The following C1QTNF5 variants were observed in gnomAD, a reference collection of about 807,000 sequenced individuals.
The protein encoded by C1QTNF5 is C1q and TNF related 5.
A neutral mutation model predicts 10.9 loss-of-function variants in C1QTNF5; 5 were observed. The ratio of observed to expected loss-of-function variants is 0.46; its 90% confidence interval spans 0.24 to 0.97. The LOEUF (loss-of-function observed/expected upper bound fraction) is 0.97, where lower values mean the gene tolerates loss of function less well. C1QTNF5 is among the 50% of genes least tolerant of loss of function. The pLI, the probability that C1QTNF5 is intolerant of heterozygous loss-of-function variation, is 0.19. For missense variants in C1QTNF5, 281 were observed against 339.4 expected (o/e 0.83, Z 1.35); for synonymous variants, 161 against 156.5 (o/e 1.03, Z -0.22).
In C1QTNF5 at chr11:119,339,909, C is replaced by T; in HGVS notation, c.215-61G>A. The T allele has an allele frequency of 7.0e-7, 1 of 1,427,994 alleles. No individual in the cohort carries two copies. The highest frequency in any genetic ancestry group is 9.1e-7 in the Non-Finnish European group (1 of 1,097,730). The allele number at this position is 1,427,994 out of a possible 1,614,324, so 88.5% of individuals were successfully genotyped here. A position where few individuals can be genotyped will look rare whatever the true frequency, so the allele number is the denominator to read the frequency against. On this transcript the variant is annotated intron_variant, in intron 2 of 2. Coordinates refer to ENST00000528368, the MANE Select transcript of C1QTNF5 (RefSeq NM_001278431.2). This position sits in a 1 kb window ranked among gnomAD's most constrained non-coding sequence, Gnocchi z 5.4. Reference sequence around the variant, plus strand: ...GGCGGCTCAGCCCGCAGCGGGGCGGCGACTCTAAGGTCACCGTACCCCTCC... The same window carrying T: ...GGCGGCTCAGCCCGCAGCGGGGCGGTGACTCTAAGGTCACCGTACCCCTCC...
upstream of C1QTNF5, chr11:119,342,633 G>A (rs779359811): frequency 4.3e-6 from 7 of 1,613,548 alleles, no homozygotes; most frequent in East Asian, 2.2e-5. Flanking sequence ...AGTTGTCATC[G>A]CTGCCATCGG....
At chr11:119,346,517 A>C in the C1QTNF5 span, 1 of 1,614,014 alleles carries the variant, frequency 6.2e-7, no homozygotes, top group East Asian at 2.2e-5. Context: ...CCTTCATGGC[A>C]CAAGGCTCTG....
chr11:119,344,624 G>A (rs1205507088), upstream of C1QTNF5: 3 of 1,613,900 alleles, frequency 1.9e-6, no homozygotes, highest in Non-Finnish European at 2.5e-6. Context: ...CCCATGCCTG[G>A]CCCGTACCCG....
chr11:119,345,505 T>C (rs1950554109), upstream of C1QTNF5: 3 of 1,613,944 alleles, frequency 1.9e-6, no homozygotes, highest in Admixed American at 3.3e-5. Context: ...AGGGCTTCGA[T>C]CTTGAGCTGT....
upstream of C1QTNF5, among the ~76,000 whole-genome samples, chr11:119,342,431 G>A (rs568977475): frequency 5.3e-5 from 8 of 152,252 alleles, no homozygotes; most frequent in African/African-American, 1.9e-4. Flanking sequence ...ACCACCAGCC[G>A]ACTGTCTTCC....
At chr11:119,346,360 A>T in the C1QTNF5 span, 6 of 1,613,950 alleles carry the variant, frequency 3.7e-6, no homozygotes, top group Admixed American at 1.0e-4. Flanking sequence ...CGAAGGCAGG[A>T]TTGCAGAACT....
upstream of C1QTNF5, chr11:119,341,557 G>C (rs1204414000): frequency 7.4e-6 from 12 of 1,612,416 alleles, no homozygotes; most frequent in South Asian, 1.1e-5. Context: ...GTCAGGGCTG[G>C]GCACAAGCTT....
chr11:119,345,561 T>C (rs376472859), upstream of C1QTNF5: 51 of 1,613,818 alleles, frequency 3.2e-5, no homozygotes, highest in Non-Finnish European at 4.1e-5. Flanking sequence ...GCAGTGGGTG[T>C]TGGGGGGGTA....
the C1QTNF5 span, chr11:119,346,263 G>C: frequency 6.2e-7 from 1 of 1,607,600 alleles, no homozygotes; most frequent in South Asian, 1.1e-5. Context: ...CACCCCCTGG[G>C]ATGGTTACCA....
chr11:119,344,415 T>A (rs920195503), upstream of C1QTNF5: 3 of 1,607,466 alleles, frequency 1.9e-6, no homozygotes, highest in South Asian at 2.2e-5. Flanking sequence ...GAAGGGCTCA[T>A]GAGTTTGCTA....
upstream of C1QTNF5, among the ~76,000 whole-genome samples, chr11:119,343,613 G>A (rs549691710): frequency 3.0e-4 from 46 of 152,326 alleles, no homozygotes; most frequent in South Asian, 8.7e-3. Flanking sequence ...GAGGTTTGGG[G>A]AAGGACCTCC....
chr11:119,345,037 T>A (rs1401715702), upstream of C1QTNF5: 14 of 1,591,126 alleles, frequency 8.8e-6, no homozygotes, highest in African/African-American at 1.3e-5. Flanking sequence ...TGAGGGAGGC[T>A]CCAAGAGCAG....
the C1QTNF5 span, chr11:119,346,476 G>T: frequency 1.7e-5 from 27 of 1,614,000 alleles, no homozygotes; most frequent in East Asian, 5.8e-4. Flanking sequence ...CGATTCTGTT[G>T]CCTCCATGCA....
chr11:119,344,080 A>G (rs1950532436), upstream of C1QTNF5: 3 of 1,377,776 alleles, frequency 2.2e-6, no homozygotes, highest in Admixed American at 5.5e-5. Context: ...TGCTTTCATC[A>G]TTGGTGGTTC....
At chr11:119,341,435 C>T (rs1950501300), upstream of C1QTNF5, 1 of 884,134 alleles carries the variant, frequency 1.1e-6, no homozygotes, top group African/African-American at 1.7e-5. Context: ...CCTGGGAGCC[C>T]CAGAGAAGGA....
Position 119,340,490 on chromosome 11 carries a change from C to T in C1QTNF5, c.-43-50G>A, listed in dbSNP as rs1015760785. On this transcript the variant is annotated intron_variant, in intron 1 of 2. Transcript: ENST00000528368. ...CGGGACCCAGAATCCTGGGACCTGC[C>T]TCTCTCCCCACCCCGGCGCGGCCCA... 60 of 1,357,472 alleles carry T rather than the reference C, an allele frequency of 4.4e-5. No homozygotes were observed. In the African/African-American group the frequency reaches 8.1e-4, roughly 18 times the overall value. 84.1% of individuals were successfully genotyped at this position (1,357,472 alleles called of 1,614,324 possible). A position where few individuals can be genotyped will look rare whatever the true frequency, so the allele number is the denominator to read the frequency against.
At position 119,340,243 on chromosome 11, in the gene C1QTNF5, C is replaced by A; in HGVS notation, c.155G>T (p.Arg52Leu). Residue 52 changes from arginine to leucine, a missense_variant, in exon 2 of 3, where the codon CGC (arginine) becomes CTC (leucine). Transcript: ENST00000528368. ...GSQGLPGRDG[R>L]DGRDGAPGAP... ...CCCGGGCGCGCCGTCGCGGCCGTCG[C>A]GGCCATCGCGGCCCGGCAAGCCCTG... is the stretch of plus-strand genomic sequence containing the variant. 6.6e-7 allele frequency: 1 copy of A among 1,514,784 alleles called. No individual in the cohort carries two copies. The highest frequency in any genetic ancestry group is 8.8e-7 in the Non-Finnish European group (1 of 1,134,484). 93.8% of individuals were successfully genotyped at this position (1,514,784 alleles called of 1,614,324 possible).
chr11:119,341,346 G>A, upstream of C1QTNF5: 1 of 597,850 alleles, frequency 1.7e-6, no homozygotes, highest in Non-Finnish European at 3.0e-6. Context: ...CAGCAGCCTG[G>A]GACCGGTAAA....
chr11:119,343,948 A>G (rs756893264), upstream of C1QTNF5: 3 of 1,612,830 alleles, frequency 1.9e-6, no homozygotes, highest in Non-Finnish European at 2.5e-6. Context: ...AGGCACCGAG[A>G]TATGCCAGGT....
Sources: allele counts gnomAD v4.1 joint callset (sites outside exome capture counted in the v4.1 genomes callset), GRCh38; gene constraint gnomAD v4.1.1; non-coding constraint Gnocchi (gnomAD v3.1); transcripts MANE v1.5; gene names NCBI Gene and HGNC (gene_info 2026-07-23, HGNC 2026-07-21).